TRIQK: variants seen among roughly 807,000 people sequenced by gnomAD.
TRIQK encodes triple QxxK/R motif containing.
In TRIQK, 10 loss-of-function variants were observed where a neutral mutation model predicts 10.8. The observed-to-expected ratio is 0.92, with a 90% CI of 0.57 to 1.57. TRIQK has a LOEUF of 1.57. Among genes scored for constraint, TRIQK ranks in the 40% most tolerant of loss-of-function variants. TRIQK has a pLI of 0.00. For synonymous variants in TRIQK, 33 were observed against 33.7 expected, an observed-to-expected ratio of 0.98 and a Z score of 0.07; for missense variants, 107 against 97.7, an observed-to-expected ratio of 1.09 and a Z score of -0.40.
chr8:93,004,198 C>G (rs1813242907), intron 1 of TRIQK, among the ~76,000 whole-genome samples: 1 of 152,226 alleles, frequency 6.6e-6, no homozygotes, highest in African/African-American at 2.4e-5. Context: ...GACACCCAGG[C>G]ATTTCCGTAC....
At chr8:92,942,666 G>A (rs959828987) in intron 2 of TRIQK, among the ~76,000 whole-genome samples, 2 of 152,118 alleles carry the variant, frequency 1.3e-5, no homozygotes, top group African/African-American at 4.8e-5. Context: ...TAGAGCTGCA[G>A]GATTTGAATT....
chr8:92,973,321 A>G (rs1812894856), intron 1 of TRIQK: 1 of 152,180 alleles, frequency 6.6e-6, no homozygotes, highest in Non-Finnish European at 1.5e-5. Flanking sequence ...TTAGAACTGC[A>G]ATTGCACAAA....
intron 1 of TRIQK, among the ~76,000 whole-genome samples, chr8:92,981,237 T>C (rs573299191): frequency 1.3e-5 from 2 of 151,886 alleles, no homozygotes; most frequent in South Asian, 4.1e-4. Context: ...GTGAGGTCTG[T>C]TTTCGGTGGC....
intron 1 of TRIQK, among the ~76,000 whole-genome samples, chr8:93,007,609 T>C (rs1043105373): frequency 4.6e-5 from 7 of 152,028 alleles, no homozygotes; most frequent in African/African-American, 7.2e-5. Flanking sequence ...TCTAACCCAA[T>C]GCAAAAAAGC....
chr8:92,988,516 A>G (rs1813061641), intron 1 of TRIQK, among the ~76,000 whole-genome samples: 1 of 152,192 alleles, frequency 6.6e-6, no homozygotes. Context: ...CTCTCGTGCT[A>G]GAAATCATAA....
At chr8:92,939,580 C>G (rs1379676743) in intron 2 of TRIQK, among the ~76,000 whole-genome samples, 1 of 152,052 alleles carries the variant, frequency 6.6e-6, no homozygotes, top group Non-Finnish European at 1.5e-5. Flanking sequence ...TACAACCTCC[C>G]CAGGCAAAGA....
intron 2 of TRIQK, among the ~76,000 whole-genome samples, chr8:92,951,791 G>A (rs972833379): frequency 6.6e-6 from 1 of 152,060 alleles, no homozygotes; most frequent in East Asian, 1.9e-4. Context: ...ACTGATCTGG[G>A]GAAAGGAAAA....
chr8:92,980,170 C>T (rs1812972484), intron 1 of TRIQK, among the ~76,000 whole-genome samples: 2 of 151,952 alleles, frequency 1.3e-5, no homozygotes, highest in African/African-American at 4.8e-5. Flanking sequence ...TATTTATTTC[C>T]AGTAAATGTT....
intron 1 of TRIQK, among the ~76,000 whole-genome samples, chr8:93,015,561 T>C (rs1504684): frequency 0.17 from 26,242 of 151,466 alleles, 2,293 homozygotes; most frequent in South Asian, 0.22. Context: ...TGGAGAAAGA[T>C]GCAACTTTCT....
chr8:92,968,957 C>A (rs1409526577), upstream of TRIQK, among the ~76,000 whole-genome samples: 1 of 152,238 alleles, frequency 6.6e-6, no homozygotes, highest in South Asian at 2.1e-4. Flanking sequence ...GTCTTTCATT[C>A]ATCTTGAGTT....
chr8:93,015,933 C>T (rs1350210643), intron 1 of TRIQK, among the ~76,000 whole-genome samples: 1 of 140,176 alleles, frequency 7.1e-6, no homozygotes, highest in African/African-American at 3.0e-5. Flanking sequence ...AAAATAAAAA[C>T]ACCTTTTTTT....
intron 4 of TRIQK, among the ~76,000 whole-genome samples, chr8:92,887,593 T>G (rs1179113691): frequency 6.6e-6 from 1 of 151,444 alleles, no homozygotes; most frequent in Non-Finnish European, 1.5e-5. Context: ...GCAAATAGAA[T>G]GCCAGTTCAG....
chr8:92,971,289 T>C (rs531755177), intron 1 of TRIQK, among the ~76,000 whole-genome samples: 1 of 152,188 alleles, frequency 6.6e-6, no homozygotes, highest in African/African-American at 2.4e-5. Flanking sequence ...TTGGAAGATA[T>C]GGCCTGGGCA....
At chr8:93,013,149 A>C (rs1317714365) in intron 1 of TRIQK, among the ~76,000 whole-genome samples, 1 of 152,222 alleles carries the variant, frequency 6.6e-6, no homozygotes, top group African/African-American at 2.4e-5. Context: ...GGGTCGCTCA[A>C]TGGTGATTAG....
At chr8:92,968,221 T>C (rs937913224), upstream of TRIQK, among the ~76,000 whole-genome samples, 1 of 152,178 alleles carries the variant, frequency 6.6e-6, no homozygotes, top group Non-Finnish European at 1.5e-5. Context: ...TTTGGGTTGG[T>C]TCCAAGTCTT....
chr8:92,992,541 T>A (rs1300983744), intron 1 of TRIQK, among the ~76,000 whole-genome samples: 1 of 152,168 alleles, frequency 6.6e-6, no homozygotes, highest in East Asian at 1.9e-4. Context: ...CAGGATACTG[T>A]CTCAGGCCCA....
At chr8:92,925,443 T>C (rs1810400258) in intron 2 of TRIQK, among the ~76,000 whole-genome samples, 1 of 151,992 alleles carries the variant, frequency 6.6e-6, no homozygotes, top group Non-Finnish European at 1.5e-5. Context: ...AATAAGAAAA[T>C]AGGTTATTAC....
chr8:92,962,956 C>T (rs1368410322), intron 1 of TRIQK, among the ~76,000 whole-genome samples: 1 of 152,142 alleles, frequency 6.6e-6, no homozygotes, highest in Non-Finnish European at 1.5e-5. Flanking sequence ...AAGCACTATC[C>T]CCACTCGACT....
intron 3 of TRIQK, among the ~76,000 whole-genome samples, chr8:92,909,476 T>C (rs776786226): frequency 6.6e-6 from 1 of 151,868 alleles, no homozygotes; most frequent in Non-Finnish European, 1.5e-5. Flanking sequence ...AAATTCATCA[T>C]TGAAAATAAA....
Sources: allele counts gnomAD v4.1 joint callset (sites outside exome capture counted in the v4.1 genomes callset), GRCh38; gene constraint gnomAD v4.1.1; transcripts MANE v1.5; gene names NCBI Gene and HGNC (gene_info 2026-07-23, HGNC 2026-07-21).